The following TAMM41 variants were observed in gnomAD, a reference collection of about 807,000 sequenced individuals.
TAMM41 encodes the protein phosphatidate cytidylyltransferase, mitochondrial.
In TAMM41, 36 loss-of-function variants were observed where a neutral mutation model predicts 44.1. The observed-to-expected ratio is 0.82, with a 90% confidence interval of 0.63 to 1.08. The LOEUF is 1.08. TAMM41 is among the 50% of genes least tolerant of loss of function. The probability of loss-of-function intolerance (pLI) is 0.00; values close to 1 mark genes in which losing one functional copy is unlikely to be tolerated. For missense variants in TAMM41, 417 were observed against 404.3 expected, an observed-to-expected ratio of 1.03 and a Z score of -0.27; for synonymous variants, 164 against 153.1, an observed-to-expected ratio of 1.07 and a Z score of -0.53.
the TAMM41 span, among the ~76,000 whole-genome samples, chr3:11,752,522 AT>A: frequency 6.8e-6 from 1 of 146,384 alleles, no homozygotes; most frequent in African/African-American, 2.5e-5. Context: ...CAGAGTGCTG[AT>A]TAGGGCATTT....
intron 5 of TAMM41, 23 bp from the exon 6 acceptor site, chr3:11,809,705 G>A (rs745984859): frequency 5.7e-6 from 9 of 1,587,406 alleles, no homozygotes; most frequent in South Asian, 2.3e-5. Context: ...AAAAAAAGAC[G>A]ACGTCTATGG....
At chr3:11,773,379 T>A in the TAMM41 span, among the ~76,000 whole-genome samples, 13 of 152,278 alleles carry the variant, frequency 8.5e-5, no homozygotes, top group African/African-American at 1.2e-4. Flanking sequence ...CCAACATTTT[T>A]AATTTTTTAT....
chr3:11,801,021 G>A (rs1400449303), intron 7 of TAMM41, among the ~76,000 whole-genome samples: 1 of 151,402 alleles, frequency 6.6e-6, no homozygotes, highest in Admixed American at 6.6e-5. Context: ...AACCTTAGGA[G>A]GTCAAGGCTA....
At chr3:11,772,413 T>C in the TAMM41 span, among the ~76,000 whole-genome samples, 6 of 152,182 alleles carry the variant, frequency 3.9e-5, no homozygotes, top group African/African-American at 1.4e-4. Flanking sequence ...TGTGTTCATA[T>C]GTACCTATTG....
the TAMM41 span, among the ~76,000 whole-genome samples, chr3:11,770,794 G>A: frequency 6.6e-6 from 1 of 152,214 alleles, no homozygotes; most frequent in Non-Finnish European, 1.5e-5. Context: ...GGGGAGGCAT[G>A]TGTTAAATAA....
chr3:11,829,735 T>A lies in TAMM41; in HGVS notation c.541A>T (p.Ile181Phe). 6.2e-7 allele frequency: 1 copy of A among 1,614,082 alleles called. No individual in the cohort carries two copies. The highest frequency in any genetic ancestry group is 8.5e-7 in the Non-Finnish European group (1 of 1,180,020). ...SFSEEDLFIE[I>F]AGLSYSGDFR... The stretch of plus-strand genomic sequence containing the variant: ...TAACCTGAATAGGAGAGACCGGCAA[T>A]CTCTATGAAGAGGTCTTCTTCAGAA... The change falls in exon 4 of 8, where the codon ATT (isoleucine) becomes TTT (phenylalanine). Residue 181 changes from isoleucine to phenylalanine, a missense_variant. Ile to Phe is a conservative substitution (Grantham distance 21). Transcript: ENST00000455809.
At chr3:11,749,865 C>T in the TAMM41 span, among the ~76,000 whole-genome samples, 39 of 151,746 alleles carry the variant, frequency 2.6e-4, no homozygotes, top group Non-Finnish European at 5.1e-4. Flanking sequence ...CTCATGTGAA[C>T]CAAAGGCTTC....
the TAMM41 span, among the ~76,000 whole-genome samples, chr3:11,734,579 C>T: frequency 1.5e-4 from 23 of 152,138 alleles, no homozygotes; most frequent in Admixed American, 1.4e-3. Context: ...AATTCTCTTA[C>T]TCACTAAATG....
intron 6 of TAMM41, chr3:11,808,137 T>C: frequency 2.0e-6 from 2 of 986,646 alleles, no homozygotes; most frequent in Non-Finnish European, 2.8e-6. Context: ...CGAACAGCTC[T>C]GTGCCTCTTC....
intron 3 of TAMM41, among the ~76,000 whole-genome samples, chr3:11,837,032 T>C (rs528747011): frequency 2.0e-5 from 3 of 152,228 alleles, no homozygotes; most frequent in Non-Finnish European, 4.4e-5. Flanking sequence ...TGTGTATACC[T>C]GTGTAACCCC....
the TAMM41 span, among the ~76,000 whole-genome samples, chr3:11,784,350 C>T: frequency 1.1e-4 from 17 of 152,236 alleles, no homozygotes; most frequent in Non-Finnish European, 1.9e-4. Context: ...AAAAAATTAG[C>T]CAGGTGTGGT....
chr3:11,789,658 C>T (rs1278307469), downstream of TAMM41, among the ~76,000 whole-genome samples: 4 of 152,150 alleles, frequency 2.6e-5, no homozygotes, highest in Non-Finnish European at 4.4e-5. Context: ...GGCATGGCAC[C>T]CAATCAGCAT....
At chr3:11,753,307 G>T in the TAMM41 span, among the ~76,000 whole-genome samples, 1 of 152,180 alleles carries the variant, frequency 6.6e-6, no homozygotes, top group Non-Finnish European at 1.5e-5. Flanking sequence ...TAGTGGTGTG[G>T]CTTGTAGTCC....
intron 2 of TAMM41, among the ~76,000 whole-genome samples, chr3:11,840,707 T>C (rs1172221694): frequency 6.6e-6 from 1 of 151,700 alleles, no homozygotes; most frequent in Non-Finnish European, 1.5e-5. Flanking sequence ...CCTCAGTGGA[T>C]TGGGAGTAAA....
At chr3:11,797,123 C>T (rs79001700) in intron 7 of TAMM41, among the ~76,000 whole-genome samples, 1 of 152,166 alleles carries the variant, frequency 6.6e-6, no homozygotes, top group Non-Finnish European at 1.5e-5. Context: ...CAATGACATT[C>T]TTCACAGAAC....
chr3:11,753,098 G>T, the TAMM41 span, among the ~76,000 whole-genome samples: 1 of 152,030 alleles, frequency 6.6e-6, no homozygotes, highest in African/African-American at 2.4e-5. Context: ...GAAGTGATGG[G>T]GGAATGGAGA....
At chr3:11,838,408 G>A (rs1489540457) in intron 3 of TAMM41, among the ~76,000 whole-genome samples, 1 of 152,130 alleles carries the variant, frequency 6.6e-6, no homozygotes, top group East Asian at 1.9e-4. Flanking sequence ...AGTAGAGACG[G>A]GGTTTCACCA....
chr3:11,749,617 C>T, the TAMM41 span, among the ~76,000 whole-genome samples: 2 of 152,178 alleles, frequency 1.3e-5, no homozygotes, highest in African/African-American at 4.8e-5. Context: ...AAATCAATTC[C>T]ATACCATGAA....
intron 7 of TAMM41, among the ~76,000 whole-genome samples, chr3:11,797,719 T>C (rs2077644355): frequency 6.6e-6 from 1 of 151,762 alleles, no homozygotes; most frequent in Admixed American, 6.6e-5. Context: ...ACCTAGGAAA[T>C]GGGAGAAAAT....
Sources: allele counts gnomAD v4.1 joint callset (sites outside exome capture counted in the v4.1 genomes callset), GRCh38; gene constraint gnomAD v4.1.1; transcripts MANE v1.5; gene names NCBI Gene and HGNC (gene_info 2026-07-23, HGNC 2026-07-21).